CCDC178: variants seen among roughly 807,000 people sequenced by gnomAD.
CCDC178 encodes the protein coiled-coil domain containing 178, also known as coiled-coil domain-containing protein 178.
CCDC178 carries 126 observed loss-of-function variants against 117.4 expected under a neutral mutation model. The ratio of observed to expected loss-of-function variants is 1.07; its 90% CI spans 0.93 to 1.24. The LOEUF is 1.24. CCDC178 is among the 50% of genes most tolerant of loss of function. The pLI, the probability that CCDC178 is intolerant of heterozygous loss-of-function variation, is 0.00. For synonymous variants in CCDC178, 283 were observed against 313.4 expected, an observed-to-expected ratio of 0.90 and a Z score of 1.02; for missense variants, 1,030 against 986.9, an observed-to-expected ratio of 1.04 and a Z score of -0.59.
At chr18:33,411,670 G>A (rs572547003) in intron 3 of CCDC178, among the ~76,000 whole-genome samples, 1 of 152,254 alleles carries the variant, frequency 6.6e-6, no homozygotes, top group African/African-American at 2.4e-5. Context: ...CCAGCTGTTA[G>A]TTGGTAATAA....
At chr18:33,233,022 T>A (rs1209249379) in intron 15 of CCDC178, among the ~76,000 whole-genome samples, 2 of 152,194 alleles carry the variant, frequency 1.3e-5, no homozygotes, top group Non-Finnish European at 2.9e-5. Flanking sequence ...CATAAATATT[T>A]ATTGAGTATC....
At chr18:33,426,231 C>T (rs2064123230) in intron 2 of CCDC178, among the ~76,000 whole-genome samples, 1 of 152,142 alleles carries the variant, frequency 6.6e-6, no homozygotes, top group Non-Finnish European at 1.5e-5. Flanking sequence ...TCTCTAAGAC[C>T]CACTTTAATA....
intron 20 of CCDC178, among the ~76,000 whole-genome samples, chr18:33,177,323 T>C (rs2058675792): frequency 6.6e-6 from 1 of 152,022 alleles, no homozygotes. Context: ...GTAACAAACC[T>C]GCACGTTCTG....
intron 20 of CCDC178, among the ~76,000 whole-genome samples, chr18:33,186,191 C>T (rs2058792074): frequency 6.6e-6 from 1 of 151,988 alleles, no homozygotes; most frequent in Non-Finnish European, 1.5e-5. Flanking sequence ...TGGAATTTGC[C>T]ATTCAAAATG....
intron 21 of CCDC178, among the ~76,000 whole-genome samples, chr18:33,048,899 C>T (rs1341379974): frequency 6.6e-6 from 1 of 152,094 alleles, no homozygotes; most frequent in Non-Finnish European, 1.5e-5. Context: ...TATAAGAATT[C>T]CAAAACCTCA....
chr18:33,230,335 G>A (rs565947181), intron 15 of CCDC178, among the ~76,000 whole-genome samples: 3 of 151,974 alleles, frequency 2.0e-5, no homozygotes, highest in Admixed American at 1.3e-4. Context: ...TGATAAAACC[G>A]AGGTCTAAGG....
chr18:33,049,363 C>T (rs551202843), intron 21 of CCDC178, among the ~76,000 whole-genome samples: 11 of 152,052 alleles, frequency 7.2e-5, no homozygotes, highest in Admixed American at 6.5e-4. Flanking sequence ...ATACACATAC[C>T]AAACACATGG....
intron 9 of CCDC178, among the ~76,000 whole-genome samples, chr18:33,333,840 A>G (rs1397785455): frequency 1.3e-5 from 2 of 152,220 alleles, no homozygotes; most frequent in Non-Finnish European, 2.9e-5. Context: ...AATAAAAGGT[A>G]CTATAAAATA....
intron 22 of CCDC178, among the ~76,000 whole-genome samples, chr18:32,953,846 T>C (rs373818209): frequency 1.3e-5 from 2 of 152,304 alleles, no homozygotes; most frequent in African/African-American, 4.8e-5. Context: ...AATAATAACA[T>C]GAATAAGGGC....
At chr18:33,317,224 C>A (rs1451739249) in intron 11 of CCDC178, among the ~76,000 whole-genome samples, 1 of 152,108 alleles carries the variant, frequency 6.6e-6, no homozygotes, top group Non-Finnish European at 1.5e-5. Flanking sequence ...CGAAGGTCTG[C>A]AGCTTCACTC....
intron 20 of CCDC178, among the ~76,000 whole-genome samples, chr18:33,175,028 T>A (rs1269538596): frequency 7.0e-6 from 1 of 142,982 alleles, no homozygotes; most frequent in African/African-American, 2.8e-5. Context: ...AATTTTTTAT[T>A]TTTTTATTTT....
intron 14 of CCDC178, among the ~76,000 whole-genome samples, chr18:33,260,966 T>C (rs796792774): frequency 5.3e-5 from 8 of 152,356 alleles, no homozygotes; most frequent in African/African-American, 1.9e-4. Flanking sequence ...TTGAGCTCTA[T>C]TGTTAATTTT....
intron 9 of CCDC178, among the ~76,000 whole-genome samples, chr18:33,335,453 T>C (rs1392848179): frequency 2.0e-5 from 3 of 152,038 alleles, no homozygotes; most frequent in African/African-American, 7.2e-5. Flanking sequence ...TTGTTAAGTA[T>C]TGCCATTATT....
At chr18:33,372,580 T>C (rs1169078556) in intron 5 of CCDC178, among the ~76,000 whole-genome samples, 1 of 152,118 alleles carries the variant, frequency 6.6e-6, no homozygotes, top group Non-Finnish European at 1.5e-5. Flanking sequence ...TTTCATCCTC[T>C]CTAAACATGC....
intron 22 of CCDC178, among the ~76,000 whole-genome samples, chr18:32,966,143 T>C (rs528070226): frequency 1.3e-5 from 2 of 151,890 alleles, no homozygotes; most frequent in East Asian, 3.9e-4. Flanking sequence ...CAAAATAATC[T>C]ATTCTGTATA....
At chr18:33,320,182 C>G (rs1027956960) in intron 11 of CCDC178, among the ~76,000 whole-genome samples, 2 of 152,168 alleles carry the variant, frequency 1.3e-5, no homozygotes, top group African/African-American at 4.8e-5. Flanking sequence ...AAAACTGGCA[C>G]AAGACAGGGA....
chr18:33,116,127 A>C (rs937671511), intron 20 of CCDC178, among the ~76,000 whole-genome samples: 2 of 152,048 alleles, frequency 1.3e-5, no homozygotes, highest in African/African-American at 4.8e-5. Flanking sequence ...TGCTGCACAG[A>C]TTTACCAACC....
rs757522678 is a variant in CCDC178 at position 33,215,620 on chromosome 18, C to A, written c.2008G>T (p.Glu670Ter). Reference protein sequence around the residue: ...KTMIFYAKINELNEELKAKEE... With the variant: ...KTMIFYAKIN ...TTTGCTTTTAATTCCTCATTCAATTCATTTATTTTTGCATAAAAAATCATT... is the reference window on the plus strand; with the variant it reads ...TTTGCTTTTAATTCCTCATTCAATTAATTTATTTTTGCATAAAAAATCATT... The change falls in exon 19 of 23, where the codon GAA becomes TAA. Residue 670 changes from glutamate (E) to a stop codon, truncating the protein, a stop_gained. Coordinates refer to ENST00000383096, the MANE Select transcript of CCDC178 (RefSeq NM_001105528.4). LOFTEE classifies it high-confidence loss of function. 1.1e-5 allele frequency: 17 copies of A among 1,520,270 alleles called. No individual in the cohort carries two copies. The highest frequency in any genetic ancestry group is 1.5e-5 in the Non-Finnish European group (17 of 1,137,134). 94.2% of individuals were successfully genotyped at this position (1,520,270 alleles called of 1,614,324 possible). A position where few individuals can be genotyped will look rare whatever the true frequency, so the allele number is the denominator to read the frequency against.
In CCDC178 at chr18:33,215,194, C is replaced by A. The variant is rs78520789; in HGVS notation, c.2078+356G>T. On this transcript the variant is annotated intron_variant, in intron 19 of 22. Coordinates refer to ENST00000383096, the MANE Select transcript of CCDC178 (RefSeq NM_001105528.4). ...TCTGAACTCTTACCTCAAAACTAAT[C>A]AAAAACATTTGGGTGAAAAAACATA... Among the ~76,000 whole-genome samples, 19 of 151,924 alleles carry A rather than the reference C, an allele frequency of 1.3e-4. No homozygotes were observed. In the East Asian group the frequency reaches 3.3e-3, roughly 26 times the overall value.
Sources: allele counts gnomAD v4.1 joint callset (sites outside exome capture counted in the v4.1 genomes callset), GRCh38; gene constraint gnomAD v4.1.1; transcripts MANE v1.5; gene names NCBI Gene and HGNC (gene_info 2026-07-23, HGNC 2026-07-21).